Variants in ZNF540 observed in about 807,000 individuals in gnomAD.
ZNF540 encodes CTD-3064H18.6.
In ZNF540, 3 loss-of-function variants were observed where a neutral mutation model predicts 11.8. The ratio of observed to expected loss-of-function variants is 0.25; its 90% confidence interval spans 0.12 to 0.65. ZNF540 has a LOEUF of 0.65. Ranked by LOEUF, ZNF540 falls within the 30% of genes least tolerant of loss-of-function variation. ZNF540 has a pLI of 0.83. For synonymous variants in ZNF540, 247 were observed against 259.0 expected (o/e 0.95, Z 0.45); for missense variants, 709 against 793.1 (o/e 0.89, Z 1.27).
In ZNF540 at chr19:37,601,116, A is replaced by G. The variant is rs202074097; in HGVS notation, c.232+11A>G. The G allele has an allele frequency of 1.9e-6, 3 of 1,564,902 alleles. No homozygotes were observed. Among genetic ancestry groups the G allele is most frequent in the East Asian group, 2.4e-5 (1 of 41,968 alleles). On this transcript the variant is annotated intron_variant, in intron 4 of 4. Transcript: ENST00000316433. ...GAAGACAGTGCCCCGGTGAGTTGAG[A>G]GTTCATCAGGCAGATGGAAGCCCTC...
chr19:37,568,058 T>C lies in ZNF540; in HGVS notation c.-73+16393T>C, dbSNP rs139565942. ...AAGTTTACACAATAAAGATCTTATA[T>C]TATTCCGAAGAAAGAAGTTGAGAAA... On this transcript the variant is annotated intron_variant, in intron 1 of 4. Coordinates refer to the ZNF540 transcript ENST00000592533. Among the ~76,000 whole-genome samples the C allele has an allele frequency of 7.0e-3, 1,073 of 152,326 alleles. 17 individuals are homozygous for C. The highest frequency in any genetic ancestry group is 0.025 in the African/African-American group (1,027 of 41,576).
chr19:37,565,642 ATAAC>A, intron 1 of ZNF540: 1 of 1,613,328 alleles, frequency 6.2e-7, no homozygotes, highest in Non-Finnish European at 8.5e-7. Context: ...ATTGTGAACA[ATAAC>A]TAAAGGCTTT....
intron 1 of ZNF540, among the ~76,000 whole-genome samples, chr19:37,553,081 ATATTT>A (rs145010712): frequency 0.3 from 33,589 of 110,470 alleles, 5,566 homozygotes; most frequent in Non-Finnish European, 0.42. Context: ...CCGAGTCTTC[ATATTT>A]TAATCTTTTT....
intron 4 of ZNF540, among the ~76,000 whole-genome samples, chr19:37,602,001 T>C (rs1268194566): frequency 1.3e-5 from 2 of 152,190 alleles, no homozygotes; most frequent in African/African-American, 4.8e-5. Context: ...CTGTGAAGAA[T>C]ATACTAAACA....
intron 2 of ZNF540, among the ~76,000 whole-genome samples, chr19:37,599,155 T>C (rs1408551933): frequency 6.6e-6 from 1 of 150,716 alleles, no homozygotes; most frequent in Non-Finnish European, 1.5e-5. Flanking sequence ...GAGATCTCCG[T>C]CTCGATTGAT....
upstream of ZNF540, among the ~76,000 whole-genome samples, chr19:37,590,547 A>G (rs2043839696): frequency 6.6e-6 from 1 of 152,218 alleles, no homozygotes; most frequent in Non-Finnish European, 1.5e-5. Context: ...AACTATAGTT[A>G]TAGTCCCCTG....
At chr19:37,579,864 T>A (rs1349260132) in intron 1 of ZNF540, among the ~76,000 whole-genome samples, 1 of 152,190 alleles carries the variant, frequency 6.6e-6, no homozygotes, top group Non-Finnish European at 1.5e-5. Flanking sequence ...GATCCAATTT[T>A]AGGCCAACAT....
At chr19:37,562,207 AC>A (rs1252453158) in intron 1 of ZNF540, among the ~76,000 whole-genome samples, 2 of 151,934 alleles carry the variant, frequency 1.3e-5, no homozygotes, top group Non-Finnish European at 2.9e-5. Context: ...ACATGGAGAA[AC>A]CCTGCCTCTA....
chr19:37,561,783 C>CA lies in ZNF540; in HGVS notation c.-73+10119dup, dbSNP rs1468686290. 2.0e-5 allele frequency among the ~76,000 whole-genome samples: 3 copies of CA among 152,200 alleles called. No individual in the cohort carries two copies. In the East Asian group the frequency reaches 5.8e-4, roughly 29 times the overall value. On this transcript the variant is annotated intron_variant, in intron 1 of 4. Coordinates refer to the ZNF540 transcript ENST00000592533. Reference sequence around the variant, plus strand: ...AGAAGGGCACCTAACAGTCTACTGACATTTAACTTTTCCTTTAAATTTATA... The same window carrying CA: ...AGAAGGGCACCTAACAGTCTACTGACAATTTAACTTTTCCTTTAAATTTATA...
intron 2 of ZNF540, among the ~76,000 whole-genome samples, chr19:37,599,153 C>T (rs942340272): frequency 2.6e-5 from 4 of 151,302 alleles, no homozygotes; most frequent in South Asian, 2.1e-4. Context: ...GTGAGATCTC[C>T]GTCTCGATTG....
At chr19:37,603,056 G>A (rs946192659) in intron 4 of ZNF540, among the ~76,000 whole-genome samples, 2 of 135,688 alleles carry the variant, frequency 1.5e-5, no homozygotes, top group South Asian at 4.9e-4. Flanking sequence ...TGCCTAGGCT[G>A]CAGTGCAATG....
Position 37,612,994 on chromosome 19 carries a change from A to T in ZNF540, c.1714A>T (p.Ile572Phe), listed in dbSNP as rs1447140666. 38 of 1,614,068 alleles carry T rather than the reference A, an allele frequency of 2.4e-5. No individual in the cohort carries two copies. The highest frequency in any genetic ancestry group is 3.1e-5 in the Non-Finnish European group (37 of 1,180,024). Reference protein sequence around the residue: ...RRGQFTEHQKIHTGVKPYKCK... With the variant: ...RRGQFTEHQKFHTGVKPYKCK... ...TGGGCAGTTCACTGAACATCAGAAA[A>T]TTCATACGGGTGTAAAACCATACAA... Residue 572 changes from isoleucine (I) to phenylalanine (F), a missense_variant, in exon 5 of 5, where the codon ATT becomes TTT. Physicochemically the swap from Ile to Phe is conservative, Grantham distance 21. Coordinates refer to ENST00000316433, the MANE Select transcript of ZNF540 (RefSeq NM_001172225.3).
intron 1 of ZNF540, among the ~76,000 whole-genome samples, chr19:37,570,680 A>AC (rs1331474550): frequency 6.6e-6 from 1 of 152,176 alleles, no homozygotes; most frequent in Non-Finnish European, 1.5e-5. Context: ...TTGGCTCTTT[A>AC]CCCCTACTCA....
At chr19:37,594,694 A>G (rs2291000), upstream of ZNF540, 129,155 of 152,234 alleles carry the variant, frequency 0.85, 55,155 homozygotes, top group African/African-American at 0.94. Flanking sequence ...TTTTCGATGA[A>G]GCAACCCAAA....
upstream of ZNF540, among the ~76,000 whole-genome samples, chr19:37,592,258 T>A (rs2043889176): frequency 2.0e-5 from 3 of 151,998 alleles, no homozygotes; most frequent in South Asian, 2.1e-4. Context: ...GAAAAAAAAA[T>A]AAAGAATGGA....
chr19:37,590,017 T>C (rs753896240), upstream of ZNF540, among the ~76,000 whole-genome samples: 2 of 152,004 alleles, frequency 1.3e-5, no homozygotes, highest in South Asian at 2.1e-4. Context: ...CAGGAATTGT[T>C]TTCCATTAAA....
intron 1 of ZNF540, among the ~76,000 whole-genome samples, chr19:37,562,111 G>A (rs768373341): frequency 4.6e-5 from 7 of 152,162 alleles, no homozygotes; most frequent in Non-Finnish European, 1.0e-4. Flanking sequence ...GGCCGGGTGC[G>A]GTGGCTCATG....
In ZNF540 at chr19:37,611,596, G is replaced by C; in HGVS notation, c.316G>C (p.Glu106Gln). ...EISLSKESIIEKSKTLRLKGS... is the reference protein window; with the variant it reads ...EISLSKESIIQKSKTLRLKGS... ...CAGTTTATCCAAAGAGAGTATAATAGAAAAAAGTAAAACTCTTCGTCTGAA... is the reference window on the plus strand; with the variant it reads ...CAGTTTATCCAAAGAGAGTATAATACAAAAAAGTAAAACTCTTCGTCTGAA... Residue 106 changes from glutamate (E) to glutamine (Q), a missense_variant, in exon 5 of 5, where the codon GAA (glutamate) becomes CAA (glutamine). Physicochemically the swap from Glu to Gln is conservative, Grantham distance 29. Coordinates refer to ENST00000316433, the MANE Select transcript of ZNF540 (RefSeq NM_001172225.3). The C allele has an allele frequency of 1.2e-6, 2 of 1,613,646 alleles. No individual in the cohort carries two copies. The highest frequency in any genetic ancestry group is 1.7e-6 in the Non-Finnish European group (2 of 1,179,820).
chr19:37,565,969 G>C lies in ZNF540; in HGVS notation c.-73+14304G>C, dbSNP rs372444738. The C allele has an allele frequency of 6.2e-6, 10 of 1,613,656 alleles. No individual in the cohort carries two copies. The African/African-American group carries it at 9.3e-5, about 15-fold the overall frequency. ...TATGATTTTCCTCATGTTGAATAAG[G>C]CATGACAGGTAGCTGAAACCTTGTC... On this transcript the variant is annotated intron_variant, in intron 1 of 4. Transcript: ENST00000592533.
Sources: gnomAD v4.1 joint callset for allele counts (sites outside exome capture counted in the v4.1 genomes callset) on GRCh38, gnomAD v4.1.1 for gene constraint, MANE v1.5 for transcripts, NCBI Gene and HGNC (gene_info 2026-07-23, HGNC 2026-07-21) for gene names.